Variants in RYR3 observed in about 807,000 individuals in gnomAD.
The protein encoded by RYR3 is brain ryanodine receptor-calcium release channel.
In RYR3, 207 loss-of-function variants were observed where a neutral mutation model predicts 584.3. The observed-to-expected ratio is 0.35, with a 90% CI of 0.32 to 0.40. The LOEUF (loss-of-function observed/expected upper bound fraction) is 0.40, where lower values mean the gene tolerates loss of function less well. Among genes scored for constraint, RYR3 ranks in the 10% least tolerant of loss-of-function variants. RYR3 has a pLI of 1.00. For missense variants in RYR3, 5,616 were observed against 6,089.2 expected, an observed-to-expected ratio of 0.92 and a Z score of 2.59; for synonymous variants, 2,416 against 2,248.5, an observed-to-expected ratio of 1.07 and a Z score of -2.11.
intron 48 of RYR3, 121 bp from the exon 49 acceptor site, chr15:33,736,114 G>A: frequency 1.6e-6 from 1 of 610,104 alleles, no homozygotes; most frequent in Non-Finnish European, 2.9e-6. Context: ...CCGAGATCTT[G>A]TGTATTAGGA....
intron 76 of RYR3, 58 bp downstream of exon 76, chr15:33,818,742 C>A: frequency 8.0e-7 from 1 of 1,248,074 alleles, no homozygotes; most frequent in Non-Finnish European, 1.2e-6. Context: ...GTGTCCACTC[C>A]TGACCTTCTT....
At chr15:33,674,393 T>A (rs1417345603) in intron 38 of RYR3, among the ~76,000 whole-genome samples, 2 of 152,182 alleles carry the variant, frequency 1.3e-5, no homozygotes, top group East Asian at 3.8e-4. Context: ...AAACTCATTC[T>A]TTTTCCCTCT....
chr15:33,833,210 A>T (rs1303240336), intron 86 of RYR3, among the ~76,000 whole-genome samples: 1 of 152,196 alleles, frequency 6.6e-6, no homozygotes, highest in Admixed American at 6.5e-5. Flanking sequence ...GAAGTGGACA[A>T]TGTTTTTTAC....
rs760734983 is a variant in RYR3 at position 33,660,413 on chromosome 15, G to C, written c.4612G>C (p.Glu1538Gln). 1.4e-5 allele frequency: 22 copies of C among 1,562,142 alleles called. No homozygotes were observed. Among genetic ancestry groups the C allele is most frequent in the Non-Finnish European group, 1.7e-5 (20 of 1,152,912 alleles). ...GCAGATGATGGCGCTCCACATCCCCGAGGAGAACAGGTACCAGAGGGGCCC... is the reference window on the plus strand; with the variant it reads ...GCAGATGATGGCGCTCCACATCCCCCAGGAGAACAGGTACCAGAGGGGCCC... ...PLQMMALHIPEENRCVDILEL... is the reference protein window; with the variant it reads ...PLQMMALHIPQENRCVDILEL... Residue 1538 changes from glutamate to glutamine, a missense_variant, in exon 34 of 104, where the codon GAG (glutamate) becomes CAG (glutamine). Coordinates refer to ENST00000634891, the MANE Select transcript of RYR3 (RefSeq NM_001036.6).
chr15:33,482,472 G>T (rs576683971), intron 2 of RYR3, among the ~76,000 whole-genome samples: 2 of 152,034 alleles, frequency 1.3e-5, no homozygotes, highest in Admixed American at 6.6e-5. Flanking sequence ...CAGGCTGGAG[G>T]GCAATGGCGC....
chr15:33,689,794 G>A (rs2065287567), intron 38 of RYR3, among the ~76,000 whole-genome samples: 1 of 149,244 alleles, frequency 6.7e-6, no homozygotes, highest in Non-Finnish European at 1.5e-5. Context: ...AATTGTCTGA[G>A]ACAACACAGT....
At chr15:33,468,196 C>T (rs892978534) in intron 1 of RYR3, among the ~76,000 whole-genome samples, 1 of 152,176 alleles carries the variant, frequency 6.6e-6, no homozygotes, top group African/African-American at 2.4e-5. Context: ...ATATTAGCAC[C>T]TACCTGACAG....
intron 57 of RYR3, among the ~76,000 whole-genome samples, chr15:33,751,870 G>A (rs2152852564): frequency 6.6e-6 from 1 of 152,156 alleles, no homozygotes; most frequent in Non-Finnish European, 1.5e-5. Context: ...TTGGTCTTAT[G>A]TTTAAGTCTT....
chr15:33,737,551 G>A (rs892047345), intron 49 of RYR3, among the ~76,000 whole-genome samples: 5 of 152,128 alleles, frequency 3.3e-5, no homozygotes, highest in African/African-American at 1.2e-4. Context: ...ATTCCCAGAG[G>A]GCTTTAGTTC....
At chr15:33,852,074 G>C (rs1249738516) in intron 94 of RYR3, 1 of 21,982 alleles carries the variant, frequency 4.5e-5, no homozygotes, top group Non-Finnish European at 1.2e-4. Context: ...TGAGAGGTCA[G>C]TGAATAGTAG....
In RYR3 at chr15:33,800,816, C is replaced by T. The variant is rs138636427; in HGVS notation, c.9877C>T (p.Arg3293Cys). 4.4e-5 allele frequency: 71 copies of T among 1,613,728 alleles called. No homozygotes were observed. In the East Asian group the frequency reaches 8.9e-4, roughly 20 times the overall value. Residue 3293 changes from arginine (R) to cysteine (C), a missense_variant, in exon 68 of 104, where the codon CGC (arginine) becomes TGC (cysteine). Coordinates refer to ENST00000634891, the MANE Select transcript of RYR3 (RefSeq NM_001036.6). ...SPDADSDQLF[R>C]MVAEVFILWC... ...TGATGCTGATTCTGACCAGCTCTTC[C>T]GCATGGTGGCAGAAGTCTTCATTCT...
chr15:33,733,168 CT>C (rs2069110715), intron 48 of RYR3, among the ~76,000 whole-genome samples: 1 of 152,216 alleles, frequency 6.6e-6, no homozygotes, highest in African/African-American at 2.4e-5. Flanking sequence ...GGTATAGTCA[CT>C]TTGGAAAGTA....
chr15:33,676,094 G>A (rs1463104818), intron 38 of RYR3, among the ~76,000 whole-genome samples: 1 of 152,154 alleles, frequency 6.6e-6, no homozygotes, highest in African/African-American at 2.4e-5. Context: ...TCGATTATTG[G>A]AGTTGACCCA....
chr15:33,435,114 C>T (rs1388546239), intron 1 of RYR3, among the ~76,000 whole-genome samples: 1 of 152,066 alleles, frequency 6.6e-6, no homozygotes, highest in African/African-American at 2.4e-5. Context: ...GCCACCGTGC[C>T]CTGCCATTTA....
At chr15:33,582,383 A>G (rs2058639095) in intron 14 of RYR3, among the ~76,000 whole-genome samples, 1 of 152,214 alleles carries the variant, frequency 6.6e-6, no homozygotes. Flanking sequence ...TGGAGCCCAG[A>G]GAAATCAGTC....
At chr15:33,594,236 T>G (rs1026193630) in intron 16 of RYR3, among the ~76,000 whole-genome samples, 1 of 152,198 alleles carries the variant, frequency 6.6e-6, no homozygotes, top group Admixed American at 6.5e-5. Flanking sequence ...ACCATTCCAG[T>G]CAAAGCCTTG....
chr15:33,669,328 A>C, intron 36 of RYR3, 26 bp from the exon 37 acceptor site: 1 of 1,590,946 alleles, frequency 6.3e-7, no homozygotes, highest in African/African-American at 1.3e-5. Context: ...AGAACCAACT[A>C]GCTATTCTTC....
chr15:33,764,067 T>G (rs988468828), intron 60 of RYR3, among the ~76,000 whole-genome samples: 4 of 152,182 alleles, frequency 2.6e-5, no homozygotes, highest in Non-Finnish European at 5.9e-5. Context: ...GACCCAGCAA[T>G]CCCATTACTG....
intron 81 of RYR3, 39 bp downstream of exon 81, chr15:33,823,111 T>C: frequency 6.4e-7 from 1 of 1,570,302 alleles, no homozygotes; most frequent in Non-Finnish European, 8.7e-7. Context: ...TAAAAAACTC[T>C]TCCCTCTAAG....
Sources: allele counts gnomAD v4.1 joint callset (sites outside exome capture counted in the v4.1 genomes callset), GRCh38; gene constraint gnomAD v4.1.1; transcripts MANE v1.5; gene names NCBI Gene and HGNC (gene_info 2026-07-23, HGNC 2026-07-21).